Variants in TNRC6B observed in about 807,000 individuals in gnomAD.
TNRC6B encodes trinucleotide repeat-containing gene 6B protein.
TNRC6B carries 52 observed loss-of-function variants against 203.6 expected under a neutral mutation model. The observed-to-expected ratio is 0.26, with a 90% CI of 0.20 to 0.32. The LOEUF is 0.32. Ranked by LOEUF, TNRC6B falls within the 10% of genes least tolerant of loss-of-function variation. The pLI, the probability that TNRC6B is intolerant of heterozygous loss-of-function variation, is 1.00. For missense variants in TNRC6B, 1,923 were observed against 2,286.2 expected (o/e 0.84, Z 3.24); for synonymous variants, 838 against 845.7 (o/e 0.99, Z 0.16).
At chr22:40,082,305 T>G (rs980041418) in intron 1 of TNRC6B, among the ~76,000 whole-genome samples, 6 of 151,946 alleles carry the variant, frequency 3.9e-5, no homozygotes, top group Admixed American at 6.6e-5. Context: ...GATCTGAGAG[T>G]TCACATTTAA....
chr22:40,144,314 C>T (rs764297085), intron 3 of TNRC6B, among the ~76,000 whole-genome samples: 10 of 152,302 alleles, frequency 6.6e-5, no homozygotes, highest in Admixed American at 1.3e-4. Context: ...CTGGAAATAG[C>T]TAGCTGTCTA....
intron 3 of TNRC6B, among the ~76,000 whole-genome samples, chr22:40,155,265 G>A (rs2068809473): frequency 6.6e-6 from 1 of 152,068 alleles, no homozygotes; most frequent in East Asian, 1.9e-4. Context: ...ATCTTCAAAT[G>A]TAATAGATAA....
At chr22:40,084,010 T>G (rs997072537) in intron 1 of TNRC6B, among the ~76,000 whole-genome samples, 1 of 152,154 alleles carries the variant, frequency 6.6e-6, no homozygotes, top group Non-Finnish European at 1.5e-5. Context: ...TTGCCTGACC[T>G]TTAATTTATG....
At chr22:40,212,841 A>G (rs964277920) in intron 1 of TNRC6B, among the ~76,000 whole-genome samples, 1 of 151,766 alleles carries the variant, frequency 6.6e-6, no homozygotes, top group Non-Finnish European at 1.5e-5. Flanking sequence ...GTAGAGACGG[A>G]GTTTCACCAT....
At chr22:40,125,565 A>G (rs1195123188) in intron 2 of TNRC6B, among the ~76,000 whole-genome samples, 1 of 152,188 alleles carries the variant, frequency 6.6e-6, no homozygotes, top group Non-Finnish European at 1.5e-5. Flanking sequence ...TTCTCCCCCA[A>G]GATGGGAAAC....
chr22:40,284,489 C>G (rs1370268160), intron 11 of TNRC6B, among the ~76,000 whole-genome samples: 2 of 152,138 alleles, frequency 1.3e-5, no homozygotes, highest in African/African-American at 4.8e-5. Context: ...GCTGTCTTTG[C>G]TGAAGGTATT....
chr22:40,134,461 T>C (rs1212969826), intron 3 of TNRC6B, among the ~76,000 whole-genome samples: 1 of 152,138 alleles, frequency 6.6e-6, no homozygotes, highest in Non-Finnish European at 1.5e-5. Flanking sequence ...AAGAGACAGC[T>C]AAGGAGACAC....
intron 3 of TNRC6B, among the ~76,000 whole-genome samples, chr22:40,128,590 C>T (rs1300524007): frequency 6.6e-6 from 1 of 151,376 alleles, no homozygotes; most frequent in Non-Finnish European, 1.5e-5. Context: ...GCTCACAGCT[C>T]ACAGCTCACT....
chr22:40,277,573 G>A (rs2070662471), intron 8 of TNRC6B, among the ~76,000 whole-genome samples: 1 of 152,180 alleles, frequency 6.6e-6, no homozygotes, highest in African/African-American at 2.4e-5. Context: ...CAACGTTGTG[G>A]GGACACCCTG....
intron 1 of TNRC6B, among the ~76,000 whole-genome samples, chr22:40,240,393 C>G (rs973008792): frequency 1.6e-4 from 25 of 152,162 alleles, no homozygotes; most frequent in Admixed American, 1.4e-3. Context: ...GACAATGCTT[C>G]GTAACCTTTT....
At chr22:40,304,614 G>T (rs1258253671) in intron 15 of TNRC6B, among the ~76,000 whole-genome samples, 2 of 152,126 alleles carry the variant, frequency 1.3e-5, no homozygotes, top group Non-Finnish European at 2.9e-5. Context: ...TGTCAACAAA[G>T]AAATTTAAAA....
intron 7 of TNRC6B, among the ~76,000 whole-genome samples, chr22:40,275,768 G>A (rs927604610): frequency 4.6e-5 from 7 of 151,854 alleles, no homozygotes; most frequent in Middle Eastern, 3.2e-3. Context: ...AGACCAGCCT[G>A]GCCAACATGG....
At chr22:40,215,303 T>C (rs554810497) in intron 1 of TNRC6B, among the ~76,000 whole-genome samples, 1 of 152,282 alleles carries the variant, frequency 6.6e-6, no homozygotes, top group South Asian at 2.1e-4. Flanking sequence ...GTGTGATTTA[T>C]CAGTTAAGTG....
chr22:40,145,067 CAA>C (rs768152120), intron 3 of TNRC6B, among the ~76,000 whole-genome samples: 42 of 96,100 alleles, frequency 4.4e-4, no homozygotes, highest in African/African-American at 5.6e-4. Flanking sequence ...TCTAGCTCCA[CAA>C]AAAAAAAAAA....
intron 1 of TNRC6B, among the ~76,000 whole-genome samples, chr22:40,218,354 T>C (rs1247613389): frequency 9.6e-6 from 1 of 103,890 alleles, no homozygotes; most frequent in African/African-American, 3.3e-5. Context: ...TGAGACAGGG[T>C]GTTACTCTGT....
At chr22:40,125,669 C>A in intron 2 of TNRC6B, 1 of 669,398 alleles carries the variant, frequency 1.5e-6, no homozygotes, top group Non-Finnish European at 2.5e-6. Flanking sequence ...AGTTACTTCA[C>A]AGTATCTGTG....
chr22:40,277,517 T>A (rs574381574), intron 8 of TNRC6B, among the ~76,000 whole-genome samples: 1 of 152,376 alleles, frequency 6.6e-6, no homozygotes, highest in African/African-American at 2.4e-5. Context: ...CTGGGACTAA[T>A]TACATAGGGA....
rs559292210 is a variant in TNRC6B at position 40,054,356 on chromosome 22, A to G, written c.-121+9358A>G. 2.0e-5 allele frequency among the ~76,000 whole-genome samples: 3 copies of G among 151,938 alleles called. No individual in the cohort carries two copies. In the South Asian group the frequency reaches 6.2e-4, roughly 32 times the overall value. ...TACTGTCTTCCCCCTTGCTGAGTGT[A>G]CTCTCACCATACTGACCCTCTTCAA... On this transcript the variant is annotated intron_variant, in intron 1 of 23. Transcript: ENST00000301923.
chr22:40,189,768 T>G (rs187368471), intron 1 of TNRC6B, among the ~76,000 whole-genome samples: 1 of 152,294 alleles, frequency 6.6e-6, no homozygotes, highest in Admixed American at 6.5e-5. Flanking sequence ...TCAAACACTT[T>G]AATATGTTGG....
Sources: allele counts gnomAD v4.1 joint callset (sites outside exome capture counted in the v4.1 genomes callset), GRCh38; gene constraint gnomAD v4.1.1; transcripts MANE v1.5; gene names NCBI Gene and HGNC (gene_info 2026-07-23, HGNC 2026-07-21).